Variants in WWOX observed in about 807,000 individuals in gnomAD.
WWOX encodes the protein WW domain containing oxidoreductase.
WWOX carries 69 observed loss-of-function variants against 46.2 expected under a neutral mutation model. The ratio of observed to expected loss-of-function variants is 1.49; its 90% confidence interval spans 1.23 to 1.82. The LOEUF is 1.82. WWOX is among the 40% of genes most tolerant of loss of function. The pLI, the probability that WWOX is intolerant of heterozygous loss-of-function variation, is 0.00. For synonymous variants in WWOX, 359 were observed against 202.6 expected, an observed-to-expected ratio of 1.77 and a Z score of -6.56; for missense variants, 919 against 542.6, an observed-to-expected ratio of 1.69 and a Z score of -6.89.
chr16:78,877,510 A>G lies in WWOX; in HGVS notation c.1057-334098A>G, dbSNP rs188006474. Among the ~76,000 whole-genome samples, 118 of 152,294 alleles carry G rather than the reference A, an allele frequency of 7.7e-4. 1 individual carries two copies. Among genetic ancestry groups the G allele is most frequent in the African/African-American group, 2.5e-3 (102 of 41,566 alleles). On this transcript the variant is annotated intron_variant, in intron 8 of 8. Coordinates refer to ENST00000566780, the MANE Select transcript of WWOX (RefSeq NM_016373.4). ...GTGAAGCTGTTTCTCACCACTCACT[A>G]TAAAATGGCAGCCTGCCTCTCTGAG...
chr16:79,110,086 C>T (rs12716868), intron 8 of WWOX, among the ~76,000 whole-genome samples: 1 of 151,942 alleles, frequency 6.6e-6, no homozygotes, highest in Non-Finnish European at 1.5e-5. Flanking sequence ...TTCAGACTTT[C>T]GCTTAGCAAC....
At chr16:78,584,871 A>G (rs1057118602) in intron 8 of WWOX, among the ~76,000 whole-genome samples, 2 of 152,214 alleles carry the variant, frequency 1.3e-5, no homozygotes, top group East Asian at 1.9e-4. Context: ...CGTGTAAGCA[A>G]TATCTCAAAA....
intron 6 of WWOX, among the ~76,000 whole-genome samples, chr16:78,424,555 A>G (rs909477198): frequency 1.3e-5 from 2 of 152,198 alleles, no homozygotes; most frequent in Non-Finnish European, 2.9e-5. Flanking sequence ...CTGAGTTCCA[A>G]CTAGGGTGAC....
At chr16:78,532,718 G>C (rs1285685712) in intron 8 of WWOX, among the ~76,000 whole-genome samples, 2 of 152,150 alleles carry the variant, frequency 1.3e-5, no homozygotes, top group Non-Finnish European at 2.9e-5. Context: ...GAAAGAACTT[G>C]TGTAGGGAAA....
At position 79,113,269 on chromosome 16, in the gene WWOX, G is replaced by C. The variant is rs140012503; in HGVS notation, c.1057-98339G>C. Among the ~76,000 whole-genome samples the C allele has an allele frequency of 3.3e-5, 5 of 152,216 alleles. No homozygotes were observed. The South Asian group carries it at 1.0e-3, about 32-fold the overall frequency. ...CATCCCAGGGTGCGTTAGGGAGCAG[G>C]TACTGCTGTGGATGACGGGTGAAGA... On this transcript the variant is annotated intron_variant, in intron 8 of 8. Transcript: ENST00000566780.
chr16:79,173,197 C>A (rs866778185), intron 8 of WWOX, among the ~76,000 whole-genome samples: 4 of 152,310 alleles, frequency 2.6e-5, no homozygotes, highest in African/African-American at 4.8e-5. Context: ...GCAGAGTGAA[C>A]CCTTTCGGTT....
rs191971597 is a variant in WWOX at position 79,009,209 on chromosome 16, A to T, written c.1057-202399A>T. Among the ~76,000 whole-genome samples, 12 of 152,324 alleles carry T rather than the reference A, an allele frequency of 7.9e-5. No homozygotes were observed. The East Asian group carries it at 2.1e-3, about 27-fold the overall frequency. On this transcript the variant is annotated intron_variant, in intron 8 of 8. Coordinates refer to ENST00000566780, the MANE Select transcript of WWOX (RefSeq NM_016373.4). ...ACTGTTTAATGAAAGCAGGAAGATG[A>T]TGTGAATGCCAGTTCACTTGAGTGT...
intron 8 of WWOX, among the ~76,000 whole-genome samples, chr16:78,910,479 T>G (rs1002609977): frequency 2.0e-5 from 3 of 149,876 alleles, no homozygotes; most frequent in Admixed American, 1.3e-4. Flanking sequence ...TGGTGTTTCA[T>G]GTTAGCAGAG....
chr16:78,662,022 T>C lies in WWOX; in HGVS notation c.1056+229270T>C, dbSNP rs573694982. Among the ~76,000 whole-genome samples, 19 of 152,260 alleles carry C rather than the reference T, an allele frequency of 1.2e-4. No individual in the cohort carries two copies. In the South Asian group the frequency reaches 3.5e-3, roughly 28 times the overall value. ...TTGTGCCACTGCACTCCAGCCTGGA[T>C]GATAGAGCGAGACCATGTCTCAAAA... is the stretch of plus-strand genomic sequence containing the variant. On this transcript the variant is annotated intron_variant, in intron 8 of 8. Coordinates refer to ENST00000566780, the MANE Select transcript of WWOX (RefSeq NM_016373.4).
intron 8 of WWOX, among the ~76,000 whole-genome samples, chr16:78,843,943 C>T (rs1253102109): frequency 1.3e-5 from 2 of 152,052 alleles, no homozygotes; most frequent in Admixed American, 6.6e-5. Flanking sequence ...CACCGAAAAG[C>T]GTAATTACAT....
chr16:78,724,105 G>A (rs886972764), intron 8 of WWOX, among the ~76,000 whole-genome samples: 1 of 152,190 alleles, frequency 6.6e-6, no homozygotes, highest in Non-Finnish European at 1.5e-5. Context: ...TTCAGGATGT[G>A]CAGGACGAGG....
intron 8 of WWOX, among the ~76,000 whole-genome samples, chr16:78,829,703 C>G (rs969532129): frequency 6.6e-6 from 1 of 152,144 alleles, no homozygotes; most frequent in Admixed American, 6.5e-5. Flanking sequence ...CCTAACAGGT[C>G]TAGGAGTCAT....
chr16:79,201,910 A>AT (rs2051360940), intron 8 of WWOX, among the ~76,000 whole-genome samples: 1 of 152,204 alleles, frequency 6.6e-6, no homozygotes, highest in Non-Finnish European at 1.5e-5. Context: ...AAAAAGAAGA[A>AT]TTTTCATTTG....
chr16:78,512,938 A>G (rs377462081), intron 8 of WWOX, among the ~76,000 whole-genome samples: 31 of 152,336 alleles, frequency 2.0e-4, no homozygotes, highest in African/African-American at 4.1e-4. Flanking sequence ...AGGAAGGCCC[A>G]TTAGTGAAAA....
chr16:78,160,894 A>G (rs1436457665), intron 4 of WWOX, among the ~76,000 whole-genome samples: 1 of 152,084 alleles, frequency 6.6e-6, no homozygotes, highest in Admixed American at 6.5e-5. Flanking sequence ...TTCCATTATA[A>G]TTGTGAATTT....
At chr16:78,671,029 A>T (rs569994543) in intron 8 of WWOX, among the ~76,000 whole-genome samples, 10 of 152,176 alleles carry the variant, frequency 6.6e-5, no homozygotes, top group Admixed American at 6.5e-4. Flanking sequence ...CAGAAGCTGG[A>T]ACAGAGCCTG....
In WWOX at chr16:78,133,388, C is replaced by G. The variant is rs866245068; in HGVS notation, c.409+18234C>G. 3.9e-5 allele frequency among the ~76,000 whole-genome samples: 6 copies of G among 152,302 alleles called. No homozygotes were observed. In the South Asian group the frequency reaches 8.3e-4, roughly 21 times the overall value. On this transcript the variant is annotated intron_variant, in intron 4 of 8. Transcript: ENST00000566780. ...AGATTCTCCTGCTTCAGCTTCCCAA[C>G]TAGCTGGGACAACAGGTGTGTGCCA...
intron 3 of WWOX, among the ~76,000 whole-genome samples, chr16:78,114,044 A>G (rs1291214797): frequency 6.6e-6 from 1 of 151,680 alleles, no homozygotes; most frequent in Admixed American, 6.6e-5. Context: ...TAAGATATAA[A>G]AAGTAAATTC....
intron 8 of WWOX, among the ~76,000 whole-genome samples, chr16:78,436,572 C>G (rs554246144): frequency 1.3e-5 from 2 of 152,264 alleles, no homozygotes; most frequent in East Asian, 3.9e-4. Context: ...CATCAGCGTT[C>G]TCTATATTAG....
Sources: gnomAD v4.1 joint callset for allele counts (sites outside exome capture counted in the v4.1 genomes callset) on GRCh38, gnomAD v4.1.1 for gene constraint, MANE v1.5 for transcripts, NCBI Gene and HGNC (gene_info 2026-07-23, HGNC 2026-07-21) for gene names.